The following CROCC variants were observed in gnomAD, a reference collection of about 807,000 sequenced individuals.
The protein encoded by CROCC is ciliary rootlet coiled-coil, rootletin.
A neutral mutation model predicts 245.2 loss-of-function variants in CROCC; 180 were observed. That is an observed-to-expected ratio of 0.73 (90% CI 0.65 to 0.83). CROCC has a LOEUF of 0.83. Ranked by LOEUF, CROCC falls within the 40% of genes least tolerant of loss-of-function variation. The probability of loss-of-function intolerance (pLI) is 0.00; values close to 1 mark genes in which losing one functional copy is unlikely to be tolerated. For synonymous variants in CROCC, 1,205 were observed against 1,241.6 expected, an observed-to-expected ratio of 0.97 and a Z score of 0.62; for missense variants, 2,688 against 2,779.4, an observed-to-expected ratio of 0.97 and a Z score of 0.74.
In CROCC at chr1:16,966,506, C is replaced by A; in HGVS notation, c.4795C>A (p.Leu1599Met). The change falls in exon 30 of 37, where the codon CTG becomes ATG. Residue 1599 changes from leucine (L) to methionine (M), a missense_variant. Leu to Met is a conservative substitution (Grantham distance 15). Transcript: ENST00000375541. The surrounding 1 kb of genome is among the most constrained non-coding windows in gnomAD (Gnocchi z 4.8). ...RRSERERRATLDQVATLERSL... is the reference protein window; with the variant it reads ...RRSERERRATMDQVATLERSL... ...CAGTGAGCGGGAGCGCCGGGCCACGCTGGACCAGGTGGCCACACTGGAGAG... is the reference window on the plus strand; with the variant it reads ...CAGTGAGCGGGAGCGCCGGGCCACGATGGACCAGGTGGCCACACTGGAGAG... 1 of 1,529,790 alleles carries A rather than the reference C, an allele frequency of 6.5e-7. No individual in the cohort carries two copies. Among genetic ancestry groups the A allele is most frequent in the Non-Finnish European group, 8.7e-7 (1 of 1,142,872 alleles). 94.8% of individuals were successfully genotyped at this position (1,529,790 alleles called of 1,614,324 possible).
chr1:16,939,400 AGCT>A (rs1456683429), intron 12 of CROCC, among the ~76,000 whole-genome samples: 6 of 152,298 alleles, frequency 3.9e-5, no homozygotes, highest in Middle Eastern at 3.4e-3. Flanking sequence ...GTGCTTGGGC[AGCT>A]GGTGGAGGGA....
chr1:16,961,000 G>T lies in CROCC; in HGVS notation c.4275G>T (p.Gln1425His). The stretch of plus-strand genomic sequence containing the variant: ...CCGAGCTGGCCCGCGTGGAGGTGCA[G>T]CGGCGCGCGGCGGAGGCCCAGCTGG... ...LEAELARVEVQRRAAEAQLGG... is the reference protein window; with the variant it reads ...LEAELARVEVHRRAAEAQLGG... The change falls in exon 27 of 37, where the codon CAG becomes CAT. Residue 1425 changes from glutamine to histidine, a missense_variant. Transcript: ENST00000375541. The T allele has an allele frequency of 4.6e-6, 6 of 1,307,614 alleles. No individual in the cohort carries two copies. The highest frequency in any genetic ancestry group is 5.8e-6 in the Non-Finnish European group (6 of 1,035,208). The allele number at this position is 1,307,614 out of a possible 1,614,324, so 81.0% of individuals were successfully genotyped here.
At chr1:16,959,092 G>T (rs1436213360) in intron 26 of CROCC, among the ~76,000 whole-genome samples, 3 of 152,138 alleles carry the variant, frequency 2.0e-5, no homozygotes, top group African/African-American at 7.2e-5. Flanking sequence ...GCACCATCTC[G>T]GCTCACTGCA....
rs536926057 is a variant in CROCC at position 16,948,266 on chromosome 1, G to T, written c.2515-65G>T. On this transcript the variant is annotated intron_variant, in intron 17 of 36. Transcript: ENST00000375541. ...AGGACTGGGTTAGGCCCAGAGTTGG[G>T]GTGCTGCACGATGAACAAGCTGGGG... The T allele has an allele frequency of 1.1e-4, 163 of 1,470,094 alleles. No homozygotes were observed. In the South Asian group the frequency reaches 2.0e-3, roughly 18 times the overall value. 91.1% of individuals were successfully genotyped at this position (1,470,094 alleles called of 1,614,324 possible).
At chr1:16,922,918 C>A in intron 2 of CROCC, 120 bp downstream of exon 2, 1 of 1,406,108 alleles carries the variant, frequency 7.1e-7, no homozygotes. Flanking sequence ...GCAGGCACAG[C>A]TTTATGACAG....
intron 25 of CROCC, among the ~76,000 whole-genome samples, chr1:16,958,039 G>A (rs764106960): frequency 3.7e-4 from 57 of 152,242 alleles, no homozygotes; most frequent in Middle Eastern, 3.4e-3. Flanking sequence ...GAACATTGCC[G>A]TTGTCTCAGA....
At chr1:16,942,932 C>T (rs1341391312) in intron 13 of CROCC, among the ~76,000 whole-genome samples, 8 of 152,216 alleles carry the variant, frequency 5.3e-5, no homozygotes, top group Non-Finnish European at 1.2e-4. Context: ...ATGGCGAAAC[C>T]CCATCTCTAC....
At chr1:16,953,210 G>C in intron 20 of CROCC, 92 bp from the exon 21 acceptor site, 1 of 1,157,164 alleles carries the variant, frequency 8.6e-7, no homozygotes, top group Non-Finnish European at 1.2e-6. Flanking sequence ...TGAGGGTATG[G>C]GGGCCAGATG....
intron 19 of CROCC, among the ~76,000 whole-genome samples, chr1:16,950,601 A>T (rs1451244152): frequency 1.3e-5 from 2 of 152,310 alleles, no homozygotes; most frequent in Non-Finnish European, 2.9e-5. Context: ...AAGGTGATCC[A>T]CCTGCCCCAG....
At position 16,946,893 on chromosome 1, in the gene CROCC, G is replaced by T. The variant is rs1333189971; in HGVS notation, c.2416G>T (p.Gly806Cys). The T allele has an allele frequency of 1.3e-5, 21 of 1,564,688 alleles. No homozygotes were observed. Among genetic ancestry groups the T allele is most frequent in the Non-Finnish European group, 1.6e-5 (19 of 1,154,932 alleles). ...GGAGGTGGCGCGGCAGGGCCTGGAG[G>T]GCTCCCTACGAGTGGCGGAGCAGGC... The part of the protein sequence containing the change: ...EQEVARQGLE[G>C]SLRVAEQAQE... Residue 806 changes from glycine (G) to cysteine (C), a missense_variant, in exon 17 of 37, where the codon GGC becomes TGC. Transcript: ENST00000375541.
chr1:16,957,994 AC>A (rs111401074), intron 25 of CROCC, among the ~76,000 whole-genome samples: 267 of 110,570 alleles, frequency 2.4e-3, no homozygotes, highest in Admixed American at 0.015. Flanking sequence ...GGTAGGCAGT[AC>A]CCCTCCCTGC....
In CROCC at chr1:16,968,395, C is replaced by A. The variant is rs762491757; in HGVS notation, c.5053C>A (p.Arg1685=). The change falls in exon 31 of 37, where the codon CGG becomes AGG. Residue 1685 remains arginine (R), a synonymous_variant. Transcript: ENST00000375541. The part of the protein sequence containing the change: ...REAQAQALQD[R]VDSLQRQVAD... The stretch of plus-strand genomic sequence containing the variant: ...GGCCCAAGCCCAGGCCCTCCAGGAT[C>A]GGGTGGATTCCCTGCAGAGACAGGT... 8.7e-6 allele frequency: 13 copies of A among 1,496,816 alleles called. No individual in the cohort carries two copies. Among genetic ancestry groups the A allele is most frequent in the Non-Finnish European group, 1.2e-5 (13 of 1,122,594 alleles). The allele number at this position is 1,496,816 out of a possible 1,614,324, so 92.7% of individuals were successfully genotyped here.
At chr1:16,920,824 A>C (rs1247617874), upstream of CROCC, among the ~76,000 whole-genome samples, 1 of 149,692 alleles carries the variant, frequency 6.7e-6, no homozygotes, top group Non-Finnish European at 1.5e-5. Flanking sequence ...GCTCACTGCA[A>C]CCTCTGCCTC....
intron 8 of CROCC, 77 bp from the exon 9 acceptor site, chr1:16,936,560 C>A: frequency 7.1e-7 from 1 of 1,400,794 alleles, no homozygotes; most frequent in Non-Finnish European, 9.6e-7. Flanking sequence ...TGAGCCACCA[C>A]GCCCTGCCCA....
At chr1:16,969,726 TAGAG>T in intron 32 of CROCC, 55 bp from the exon 33 acceptor site, 1 of 1,567,710 alleles carries the variant, frequency 6.4e-7, no homozygotes, top group Non-Finnish European at 8.6e-7. Context: ...AGGTACAGAA[TAGAG>T]AGGACTCCTT....
At chr1:16,940,236 A>G (rs2075898633) in intron 13 of CROCC, 143 bp downstream of exon 13, 1 of 1,047,640 alleles carries the variant, frequency 9.5e-7, no homozygotes, top group Non-Finnish European at 1.3e-6. Context: ...TTATTTATTT[A>G]TTTTTAAAAT....
At chr1:16,929,777 C>T (rs1431907428) in intron 3 of CROCC, 69 bp from the exon 4 acceptor site, 17 of 1,453,320 alleles carry the variant, frequency 1.2e-5, no homozygotes, top group African/African-American at 7.1e-5. Flanking sequence ...CAGCCTGCCA[C>T]GCCCTACAGA....
chr1:16,931,488 C>A, intron 8 of CROCC, 91 bp downstream of exon 8: 1 of 1,246,752 alleles, frequency 8.0e-7, no homozygotes, highest in Non-Finnish European at 1.2e-6. Context: ...TTCAACTCAA[C>A]GCACTTACTG....
At chr1:16,918,917 A>T (rs1003478679), upstream of CROCC, among the ~76,000 whole-genome samples, 1 of 152,174 alleles carries the variant, frequency 6.6e-6, no homozygotes, top group African/African-American at 2.4e-5. Context: ...CTGTATTTTT[A>T]GTAGAGACGG....
Sources: gnomAD v4.1 joint callset for allele counts (sites outside exome capture counted in the v4.1 genomes callset) on GRCh38, gnomAD v4.1.1 for gene constraint, Gnocchi (gnomAD v3.1) non-coding constraint, MANE v1.5 for transcripts, NCBI Gene and HGNC (gene_info 2026-07-23, HGNC 2026-07-21) for gene names.